FKBP11: variants seen among roughly 807,000 people sequenced by gnomAD.
FKBP11 encodes peptidyl-prolyl cis-trans isomerase FKBP11.
A neutral mutation model predicts 24.7 loss-of-function variants in FKBP11; 21 were observed. The ratio of observed to expected loss-of-function variants is 0.85; its 90% CI spans 0.60 to 1.23. FKBP11 has a LOEUF of 1.23. Among genes scored for constraint, FKBP11 ranks in the 50% most tolerant of loss-of-function variants. The probability of loss-of-function intolerance (pLI) is 0.00; values close to 1 mark genes in which losing one functional copy is unlikely to be tolerated. For missense variants in FKBP11, 245 were observed against 248.7 expected, an observed-to-expected ratio of 0.99 and a Z score of 0.10; for synonymous variants, 106 against 100.6, an observed-to-expected ratio of 1.05 and a Z score of -0.32.
At chr12:48,929,018 A>G (rs1321272377), upstream of FKBP11, among the ~76,000 whole-genome samples, 2 of 144,618 alleles carry the variant, frequency 1.4e-5, no homozygotes, top group African/African-American at 2.6e-5. Flanking sequence ...TTTAGTGGAG[A>G]CGGGGTTTCA....
At position 48,924,235 on chromosome 12, in the gene FKBP11, T is replaced by A. The variant is rs747878396; in HGVS notation, c.305A>T (p.Asp102Val). 6.2e-6 allele frequency: 10 copies of A among 1,614,158 alleles called. No homozygotes were observed. Among genetic ancestry groups the A allele is most frequent in the Non-Finnish European group, 8.5e-6 (10 of 1,180,012 alleles). ...VIPGLEQSLL[D>V]MCVGEKRRAI... is the part of the protein sequence containing the mutation. ...CCGAGATACTCACCCCACACACATG[T>A]CGAGAAGACTCTGCTCCAGACCTTG... is the stretch of plus-strand genomic sequence containing the variant. Residue 102 changes from aspartate to valine, a missense_variant, in exon 4 of 6, where the codon GAC (aspartate) becomes GTC (valine). Transcript: ENST00000550765.
At chr12:48,922,884 C>T (rs1458108797) in intron 5 of FKBP11, 1 of 1,045,830 alleles carries the variant, frequency 9.6e-7, no homozygotes, top group African/African-American at 1.7e-5. Flanking sequence ...CGCGGTGGCT[C>T]ATGCCTGTAA....
intron 2 of FKBP11, 97 bp downstream of exon 2, chr12:48,924,949 T>C (rs1592231900): frequency 6.8e-7 from 1 of 1,472,870 alleles, no homozygotes; most frequent in Non-Finnish European, 9.0e-7. Context: ...GAGTTTCTTC[T>C]CCCGAACCGC....
chr12:48,928,095 AG>A (rs1940003726), upstream of FKBP11, among the ~76,000 whole-genome samples: 1 of 113,060 alleles, frequency 8.8e-6, no homozygotes, highest in Admixed American at 1.3e-4. Context: ...TCCAGGCTGG[AG>A]TATAGTTGTG....
chr12:48,937,231 C>T, the FKBP11 span: 1 of 152,348 alleles, frequency 6.6e-6, no homozygotes, highest in African/African-American at 2.4e-5. Context: ...GAAACCTGGC[C>T]CCATGGAGTG....
chr12:48,926,666 A>T (rs1939974198), upstream of FKBP11, among the ~76,000 whole-genome samples: 1 of 146,752 alleles, frequency 6.8e-6, no homozygotes, highest in South Asian at 2.2e-4. Flanking sequence ...GCTGATTTTG[A>T]ATTTTTAGTA....
chr12:48,935,487 AG>A, the FKBP11 span, among the ~76,000 whole-genome samples: 1 of 152,266 alleles, frequency 6.6e-6, no homozygotes, highest in African/African-American at 2.4e-5. Flanking sequence ...CCCACCCTAA[AG>A]GTAGCACCAT....
At chr12:48,923,937 C>T (rs760280637) in intron 4 of FKBP11, 85 bp from the exon 5 acceptor site, 3 of 1,357,768 alleles carry the variant, frequency 2.2e-6, no homozygotes, top group Non-Finnish European at 3.2e-6. Context: ...TCAGCAAAAC[C>T]CCCTGAATCT....
chr12:48,931,279 G>T, upstream of FKBP11: 2 of 673,314 alleles, frequency 3.0e-6, no homozygotes, highest in African/African-American at 1.8e-5. Flanking sequence ...ACAGTGTGGT[G>T]AAGGTGGAAG....
At chr12:48,929,286 A>C (rs961054945), upstream of FKBP11, among the ~76,000 whole-genome samples, 19 of 152,052 alleles carry the variant, frequency 1.2e-4, no homozygotes, top group Non-Finnish European at 2.5e-4. Flanking sequence ...TATCTCTACA[A>C]ATAATTTAAC....
At chr12:48,933,657 C>A in the FKBP11 span, among the ~76,000 whole-genome samples, 1 of 150,872 alleles carries the variant, frequency 6.6e-6, no homozygotes, top group Non-Finnish European at 1.5e-5. Context: ...GCCGAGATCA[C>A]GCCATTGCAC....
chr12:48,929,071 C>T (rs1229748430), upstream of FKBP11, among the ~76,000 whole-genome samples: 5 of 151,496 alleles, frequency 3.3e-5, no homozygotes, highest in Non-Finnish European at 5.9e-5. Flanking sequence ...TCAAGATCCA[C>T]CTGCCTCGGC....
At chr12:48,925,525 G>C, upstream of FKBP11, 1 of 1,391,580 alleles carries the variant, frequency 7.2e-7, no homozygotes, top group Non-Finnish European at 9.6e-7. Context: ...CAGACTGGAC[G>C]GGACGGGGCG....
At chr12:48,935,138 G>C in the FKBP11 span, among the ~76,000 whole-genome samples, 1 of 152,088 alleles carries the variant, frequency 6.6e-6, no homozygotes, top group Non-Finnish European at 1.5e-5. Flanking sequence ...AGTGTCATCT[G>C]ATCTTGAGGA....
chr12:48,926,745 G>A (rs1027534176), upstream of FKBP11, among the ~76,000 whole-genome samples: 1 of 151,264 alleles, frequency 6.6e-6, no homozygotes, highest in Non-Finnish European at 1.5e-5. Flanking sequence ...CACCCACCTC[G>A]GCCTTCCAAA....
upstream of FKBP11, among the ~76,000 whole-genome samples, chr12:48,929,643 T>G (rs935092931): frequency 6.6e-6 from 1 of 152,204 alleles, no homozygotes; most frequent in Non-Finnish European, 1.5e-5. Context: ...TTTTCCAAAC[T>G]TGGCTTTTAT....
upstream of FKBP11, chr12:48,926,189 G>C (rs925931336): frequency 6.6e-6 from 1 of 150,964 alleles, no homozygotes; most frequent in African/African-American, 2.4e-5. Context: ...CTTCTCAAAG[G>C]GCAGCACACG....
the FKBP11 span, chr12:48,931,743 A>T: frequency 2.2e-6 from 1 of 444,992 alleles, no homozygotes; most frequent in African/African-American, 2.0e-5. Flanking sequence ...CATGACTATT[A>T]TGTGCCAAAG....
At chr12:48,932,004 C>T in the FKBP11 span, among the ~76,000 whole-genome samples, 3,296 of 151,420 alleles carry the variant, frequency 0.022, 119 homozygotes, top group African/African-American at 0.074. Flanking sequence ...CCACCATGCC[C>T]AACTAATTAA....
Sources: allele counts gnomAD v4.1 joint callset (sites outside exome capture counted in the v4.1 genomes callset), GRCh38; gene constraint gnomAD v4.1.1; transcripts MANE v1.5; gene names NCBI Gene and HGNC (gene_info 2026-07-23, HGNC 2026-07-21).